Variants in CRYBG1 observed in about 807,000 individuals in gnomAD.
CRYBG1 encodes the protein crystallin beta-gamma domain containing 1.
In CRYBG1, 139 loss-of-function variants were observed where a neutral mutation model predicts 189.2. That is an observed-to-expected ratio of 0.73 (90% CI 0.64 to 0.85). The LOEUF is 0.85. CRYBG1 is among the 40% of genes least tolerant of loss of function. The pLI, the probability that CRYBG1 is intolerant of heterozygous loss-of-function variation, is 0.00. For synonymous variants in CRYBG1, 1,023 were observed against 1,017.1 expected, an observed-to-expected ratio of 1.01 and a Z score of -0.11; for missense variants, 2,611 against 2,675.8, an observed-to-expected ratio of 0.98 and a Z score of 0.53.
At chr6:106,503,280 A>C (rs1164787377) in intron 2 of CRYBG1, among the ~76,000 whole-genome samples, 1 of 152,146 alleles carries the variant, frequency 6.6e-6, no homozygotes, top group Non-Finnish European at 1.5e-5. Flanking sequence ...GACAAGGCTG[A>C]GGGAGGGTGA....
intron 1 of CRYBG1, among the ~76,000 whole-genome samples, chr6:106,378,751 G>C (rs775076687): frequency 9.2e-5 from 14 of 152,180 alleles, no homozygotes; most frequent in Non-Finnish European, 1.9e-4. Flanking sequence ...GATAGAAAGA[G>C]AAAAATGTGT....
chr6:106,488,507 C>T (rs1300522532), intron 2 of CRYBG1, among the ~76,000 whole-genome samples: 1 of 152,136 alleles, frequency 6.6e-6, no homozygotes, highest in Non-Finnish European at 1.5e-5. Context: ...AGGGCAGGCA[C>T]ATGTGGGTAG....
At chr6:106,490,690 A>G (rs969157210) in intron 2 of CRYBG1, among the ~76,000 whole-genome samples, 1 of 152,198 alleles carries the variant, frequency 6.6e-6, no homozygotes, top group African/African-American at 2.4e-5. Flanking sequence ...GCATTGCAGA[A>G]CTCAGTCATA....
chr6:106,512,378 C>T lies in CRYBG1; in HGVS notation c.1261C>T (p.Arg421Trp), dbSNP rs752049592. 2 of 1,610,708 alleles carry T rather than the reference C, an allele frequency of 1.2e-6. No homozygotes were observed. The highest frequency in any genetic ancestry group is 2.2e-5 in the South Asian group (2 of 90,586). ...GTCCAGCGGCCGTAGGTCGGGGAGG[C>T]GGAGGGGGTCGCAGAAATCCACCGA... ...KRSSGRRSGR[R>W]RGSQKSTDSP... The change falls in exon 3 of 22, where the codon CGG becomes TGG. Residue 421 changes from arginine (R) to tryptophan (W), a missense_variant. Physicochemically the swap from Arg to Trp is moderately radical, Grantham distance 101. Coordinates refer to ENST00000633556, the MANE Select transcript of CRYBG1 (RefSeq NM_001371242.2).
chr6:106,508,964 A>G (rs2114519312), intron 2 of CRYBG1, among the ~76,000 whole-genome samples: 1 of 104,372 alleles, frequency 9.6e-6, no homozygotes, highest in East Asian at 2.9e-4. Flanking sequence ...CTAAGCATAG[A>G]GAGGACTGCT....
intron 1 of CRYBG1, among the ~76,000 whole-genome samples, chr6:106,418,392 T>G (rs1201041705): frequency 1.3e-5 from 2 of 152,260 alleles, no homozygotes; most frequent in Non-Finnish European, 2.9e-5. Context: ...TCTTTCAGGC[T>G]TCAGGCTGTT....
intron 13 of CRYBG1, among the ~76,000 whole-genome samples, chr6:106,549,855 C>G (rs1251661447): frequency 1.3e-5 from 2 of 151,898 alleles, no homozygotes; most frequent in African/African-American, 2.4e-5. Flanking sequence ...TTAAATCAGC[C>G]CTTTGGATAG....
intron 2 of CRYBG1, among the ~76,000 whole-genome samples, chr6:106,501,451 ATAAAGCTGT>A (rs1470163289): frequency 6.6e-6 from 1 of 152,168 alleles, no homozygotes; most frequent in African/African-American, 2.4e-5. Flanking sequence ...ACTACATCTG[ATAAAGCTGT>A]TATTTTCATC....
chr6:106,544,818 A>T lies in CRYBG1; in HGVS notation c.5197A>T (p.Ser1733Cys), dbSNP rs765299492. The T allele has an allele frequency of 6.2e-7, 1 of 1,609,356 alleles. No homozygotes were observed. The highest frequency in any genetic ancestry group is 8.5e-7 in the Non-Finnish European group (1 of 1,178,828). The change falls in exon 13 of 22, where the codon AGT becomes TGT. Residue 1733 changes from serine (S) to cysteine (C), a missense_variant. By Grantham distance (112) the Ser-to-Cys change is moderately radical. Around this residue, in one of 3 missense-constraint regions of CRYBG1, gnomAD observed 1,622 missense variants for 1,735.0 expected, o/e 0.93. Transcript: ENST00000633556. ...DFSNAHMIMY[S>C]EKNFGSKGSS... ...TTCAAATGCTCACATGATAATGTAC[A>T]GTGAAAAAAACTTTGGATCCAAAGG... is the stretch of plus-strand genomic sequence containing the variant.
intron 2 of CRYBG1, among the ~76,000 whole-genome samples, chr6:106,492,945 C>A (rs1772757827): frequency 6.6e-6 from 1 of 150,382 alleles, no homozygotes; most frequent in Non-Finnish European, 1.5e-5. Flanking sequence ...TGAGTCTTTT[C>A]ACAAATTAAC....
At chr6:106,382,682 T>G (rs1287361773) in intron 1 of CRYBG1, among the ~76,000 whole-genome samples, 3 of 152,218 alleles carry the variant, frequency 2.0e-5, no homozygotes, top group African/African-American at 7.2e-5. Flanking sequence ...TCTGTTAGAA[T>G]TATAATTTTC....
intron 2 of CRYBG1, among the ~76,000 whole-genome samples, chr6:106,502,310 C>T (rs1013560943): frequency 4.6e-5 from 7 of 152,120 alleles, no homozygotes; most frequent in Admixed American, 3.3e-4. Context: ...TTTTAAATTG[C>T]ATAAGGAATG....
intron 1 of CRYBG1, among the ~76,000 whole-genome samples, chr6:106,386,056 G>A (rs993822278): frequency 1.3e-5 from 2 of 152,186 alleles, no homozygotes; most frequent in Non-Finnish European, 2.9e-5. Flanking sequence ...TCTCCACGTG[G>A]CGAAGCAGTT....
chr6:106,520,192 A>G lies in CRYBG1; in HGVS notation c.2984A>G (p.Glu995Gly), dbSNP rs764883268. 39 of 1,614,014 alleles carry G rather than the reference A, an allele frequency of 2.4e-5. No individual in the cohort carries two copies. Among genetic ancestry groups the G allele is most frequent in the Non-Finnish European group, 3.1e-5 (37 of 1,180,036 alleles). ...CCAACTTGTCACAGTAATGAACCTG[A>G]AGTGGTTTCCGTTGCAAGTTGTGCT... is the stretch of plus-strand genomic sequence containing the variant. ...QLPTCHSNEP[E>G]VVSVASCAPP... is the part of the protein sequence containing the mutation. The change falls in exon 4 of 22, where the codon GAA becomes GGA. Residue 995 changes from glutamate to glycine, a missense_variant. Glu to Gly is a moderately conservative substitution (Grantham distance 98). Coordinates refer to ENST00000633556, the MANE Select transcript of CRYBG1 (RefSeq NM_001371242.2).
chr6:106,423,438 A>G (rs934182229), intron 1 of CRYBG1, among the ~76,000 whole-genome samples: 1 of 151,798 alleles, frequency 6.6e-6, no homozygotes, highest in Non-Finnish European at 1.5e-5. Flanking sequence ...AAAAAGTTTG[A>G]TCTGTAGAGC....
At chr6:106,470,053 C>T (rs62420845) in intron 2 of CRYBG1, among the ~76,000 whole-genome samples, 30,162 of 152,094 alleles carry the variant, frequency 0.2, 3,103 homozygotes, top group Middle Eastern at 0.29. Context: ...GGGGACAGGG[C>T]GCTTCCCTCC....
At chr6:106,497,254 A>G (rs1354720996) in intron 2 of CRYBG1, among the ~76,000 whole-genome samples, 1 of 152,190 alleles carries the variant, frequency 6.6e-6, no homozygotes, top group African/African-American at 2.4e-5. Context: ...TCCTGAAGGT[A>G]GAAAGAAACT....
chr6:106,364,053 G>A (rs551231493), intron 1 of CRYBG1, among the ~76,000 whole-genome samples: 103 of 152,242 alleles, frequency 6.8e-4, no homozygotes, highest in Non-Finnish European at 1.0e-3. Flanking sequence ...AGCCGGGTGC[G>A]GTCACTCACG....
intron 2 of CRYBG1, among the ~76,000 whole-genome samples, chr6:106,488,873 G>C (rs565552723): frequency 6.6e-6 from 1 of 152,162 alleles, no homozygotes; most frequent in African/African-American, 2.4e-5. Flanking sequence ...TTGGTGGAAG[G>C]CAGTGTACAC....
Sources: allele counts gnomAD v4.1 joint callset (sites outside exome capture counted in the v4.1 genomes callset), GRCh38; gene constraint gnomAD v4.1.1; regional missense constraint gnomAD v4.1.1; transcripts MANE v1.5; gene names NCBI Gene and HGNC (gene_info 2026-07-23, HGNC 2026-07-21).